MALRD1: variants seen among roughly 807,000 people sequenced by gnomAD.
MALRD1 encodes the protein MAM and LDL receptor class A domain containing 1.
In MALRD1, 247 loss-of-function variants were observed where a neutral mutation model predicts 242.1. The observed-to-expected ratio is 1.02, with a 90% CI of 0.92 to 1.13. The LOEUF (loss-of-function observed/expected upper bound fraction) is 1.13. Among genes scored for constraint, MALRD1 ranks in the 50% most tolerant of loss-of-function variants. The pLI is 0.00. For missense variants in MALRD1, 2,989 were observed against 2,533.1 expected, an observed-to-expected ratio of 1.18 and a Z score of -3.86; for synonymous variants, 995 against 866.6, an observed-to-expected ratio of 1.15 and a Z score of -2.60.
intron 31 of MALRD1, among the ~76,000 whole-genome samples, chr10:19,503,389 G>T (rs1838061642): frequency 6.6e-6 from 1 of 152,176 alleles, no homozygotes; most frequent in South Asian, 2.1e-4. Context: ...TTGTTATCAA[G>T]ATGAAGAATT....
chr10:19,110,984 A>G (rs1836658349), intron 5 of MALRD1, among the ~76,000 whole-genome samples: 1 of 152,200 alleles, frequency 6.6e-6, no homozygotes, highest in Non-Finnish European at 1.5e-5. Context: ...AAATTTACAA[A>G]CACACATGCT....
chr10:19,721,885 C>T (rs1194671608), intron 38 of MALRD1: 2 of 152,270 alleles, frequency 1.3e-5, no homozygotes, highest in Non-Finnish European at 1.5e-5. Flanking sequence ...GAGTTTACTC[C>T]TGACCCACTT....
At chr10:19,126,464 A>G (rs2131388538) in intron 7 of MALRD1, among the ~76,000 whole-genome samples, 1 of 152,156 alleles carries the variant, frequency 6.6e-6, no homozygotes, top group African/African-American at 2.4e-5. Context: ...CTTTGACACT[A>G]TGGCCAGTCT....
chr10:19,196,186 A>G (rs919963693), intron 14 of MALRD1, among the ~76,000 whole-genome samples: 1 of 152,184 alleles, frequency 6.6e-6, no homozygotes, highest in Non-Finnish European at 1.5e-5. Context: ...GAAAGAAAAA[A>G]AAGTTTTTAC....
intron 2 of MALRD1, among the ~76,000 whole-genome samples, chr10:19,081,641 G>C (rs1167358611): frequency 6.6e-6 from 1 of 152,008 alleles, no homozygotes; most frequent in African/African-American, 2.4e-5. Context: ...TAGAGCATCA[G>C]GAAGAATACC....
chr10:19,336,170 T>C (rs954631156), intron 24 of MALRD1, among the ~76,000 whole-genome samples: 2 of 152,208 alleles, frequency 1.3e-5, no homozygotes, highest in Admixed American at 1.3e-4. Context: ...ACTTCTACAA[T>C]ACAGGATGTA....
intron 19 of MALRD1, among the ~76,000 whole-genome samples, chr10:19,265,539 C>G (rs945822370): frequency 2.6e-5 from 4 of 151,922 alleles, no homozygotes; most frequent in African/African-American, 9.7e-5. Context: ...TCCAACTTTT[C>G]CCCTCTCAAT....
Position 19,280,232 on chromosome 10 carries a change from A to G in MALRD1, c.3256+9A>G. The G allele has an allele frequency of 1.4e-6, 2 of 1,472,848 alleles. No homozygotes were observed. Among genetic ancestry groups the G allele is most frequent in the South Asian group, 1.4e-5 (1 of 70,852 alleles). 91.2% of individuals were successfully genotyped at this position (1,472,848 alleles called of 1,614,324 possible). On this transcript the variant is annotated intron_variant, in intron 20 of 39. Transcript: ENST00000454679. ...AGATGAAGCATCCTGTGGTAGGTGGATTCTTAAAATTTGTTTAAATACTGC... is the reference window on the plus strand; with the variant it reads ...AGATGAAGCATCCTGTGGTAGGTGGGTTCTTAAAATTTGTTTAAATACTGC...
intron 34 of MALRD1, among the ~76,000 whole-genome samples, chr10:19,597,753 G>A (rs1191656438): frequency 6.6e-6 from 1 of 152,184 alleles, no homozygotes; most frequent in Non-Finnish European, 1.5e-5. Flanking sequence ...GCAATCCTGT[G>A]ACAGAGACAA....
At chr10:19,171,949 A>G (rs1475148188) in intron 13 of MALRD1, among the ~76,000 whole-genome samples, 1 of 122,224 alleles carries the variant, frequency 8.2e-6, no homozygotes, top group African/African-American at 2.9e-5. Flanking sequence ...ATCATATAAT[A>G]TATGTATATA....
intron 33 of MALRD1, among the ~76,000 whole-genome samples, chr10:19,586,140 A>G (rs1161690829): frequency 6.6e-6 from 1 of 152,040 alleles, no homozygotes; most frequent in Non-Finnish European, 1.5e-5. Context: ...AATTTTTTTC[A>G]AAGTTTTCAA....
intron 36 of MALRD1, among the ~76,000 whole-genome samples, chr10:19,671,669 C>G (rs1040753823): frequency 4.6e-5 from 7 of 152,158 alleles, no homozygotes; most frequent in African/African-American, 1.7e-4. Context: ...ACAAACACCA[C>G]CAATACATGC....
chr10:19,082,542 T>C (rs1206634539), intron 2 of MALRD1, among the ~76,000 whole-genome samples: 1 of 152,010 alleles, frequency 6.6e-6, no homozygotes, highest in Non-Finnish European at 1.5e-5. Context: ...ACATAGCTGA[T>C]TTAAAGTCTT....
At chr10:19,237,928 G>GAA (rs1564491278) in intron 18 of MALRD1, among the ~76,000 whole-genome samples, 2,445 of 39,304 alleles carry the variant, frequency 0.062, 100 homozygotes, top group African/African-American at 0.13. Flanking sequence ...ATAATTATAT[G>GAA]TAATTTTATA....
intron 26 of MALRD1, among the ~76,000 whole-genome samples, chr10:19,373,203 C>CA (rs374095193): frequency 0.031 from 3,556 of 114,828 alleles, 107 homozygotes; most frequent in Non-Finnish European, 0.041. Context: ...ACGCTAAATA[C>CA]AAAAAAAAAA....
intron 36 of MALRD1, among the ~76,000 whole-genome samples, chr10:19,641,372 G>C (rs1353712758): frequency 6.6e-6 from 1 of 152,150 alleles, no homozygotes; most frequent in Admixed American, 6.5e-5. Context: ...ACATGCAAAA[G>C]AAAAGAATGC....
intron 33 of MALRD1, among the ~76,000 whole-genome samples, chr10:19,585,418 C>G (rs1164637820): frequency 6.6e-6 from 1 of 151,760 alleles, no homozygotes; most frequent in Non-Finnish European, 1.5e-5. Flanking sequence ...TAGGGCAGGC[C>G]TGGTGGTGAC....
At chr10:19,335,254 C>A (rs1843556935) in intron 24 of MALRD1, among the ~76,000 whole-genome samples, 1 of 148,968 alleles carries the variant, frequency 6.7e-6, no homozygotes, top group African/African-American at 2.5e-5. Flanking sequence ...AGCAACAAAG[C>A]TGAATTAGTT....
chr10:19,149,078 A>ATCTATCTG (rs1588616010), intron 11 of MALRD1, among the ~76,000 whole-genome samples: 1 of 18,618 alleles, frequency 5.4e-5, no homozygotes, highest in East Asian at 1.7e-3. Context: ...CTATCTGTCC[A>ATCTATCTG]TCTATCTATC....
Sources: gnomAD v4.1 joint callset for allele counts (sites outside exome capture counted in the v4.1 genomes callset) on GRCh38, gnomAD v4.1.1 for gene constraint, MANE v1.5 for transcripts, NCBI Gene and HGNC (gene_info 2026-07-23, HGNC 2026-07-21) for gene names.